Variants in XYLT1 observed in about 807,000 individuals in gnomAD.
The protein encoded by XYLT1 is xylosyltransferase 1.
XYLT1 carries 36 observed loss-of-function variants against 91.3 expected under a neutral mutation model. That is an observed-to-expected ratio of 0.39 (90% confidence interval 0.30 to 0.52). The LOEUF is 0.52. XYLT1 is among the 20% of genes least tolerant of loss of function. The pLI, the probability that XYLT1 is intolerant of heterozygous loss-of-function variation, is 0.68. For synonymous variants in XYLT1, 588 were observed against 532.0 expected (o/e 1.11, Z -1.45); for missense variants, 1,242 against 1,284.5 (o/e 0.97, Z 0.51).
chr16:17,268,701 C>T lies in XYLT1; in HGVS notation c.403-9203G>A, dbSNP rs758471946. On this transcript the variant is annotated intron_variant, in intron 2 of 11. Coordinates refer to ENST00000261381, the MANE Select transcript of XYLT1 (RefSeq NM_022166.4). ...TTTTTTTTTTTCTGAGACGGAGTTTCGCTCTTTGTTGCCCAGGCTGGAGTA... is the reference window on the plus strand; with the variant it reads ...TTTTTTTTTTTCTGAGACGGAGTTTTGCTCTTTGTTGCCCAGGCTGGAGTA... 3.5e-3 allele frequency among the ~76,000 whole-genome samples: 468 copies of T among 135,456 alleles called. 1 individual carries two copies. The highest frequency in any genetic ancestry group is 5.8e-3 in the Non-Finnish European group (379 of 64,880). The allele number at this position is 135,456 out of a possible 152,430, so 88.9% of individuals were successfully genotyped here. A position where few individuals can be genotyped will look rare whatever the true frequency, so the allele number is the denominator to read the frequency against.
intron 2 of XYLT1, among the ~76,000 whole-genome samples, chr16:17,271,564 A>G (rs542286686): frequency 1.3e-5 from 2 of 152,174 alleles, no homozygotes; most frequent in African/African-American, 4.8e-5. Context: ...TCTCAAGGAC[A>G]GCGCTGTTGA....
intron 9 of XYLT1, among the ~76,000 whole-genome samples, chr16:17,131,288 T>C (rs1228535052): frequency 6.6e-6 from 1 of 152,222 alleles, no homozygotes; most frequent in Non-Finnish European, 1.5e-5. Flanking sequence ...TAATGAAAAC[T>C]GTTAATGTCT....
chr16:17,309,003 A>T (rs2034506183), intron 2 of XYLT1, among the ~76,000 whole-genome samples: 1 of 152,200 alleles, frequency 6.6e-6, no homozygotes. Flanking sequence ...AAATAAAAAA[A>T]AAAGGTTCAA....
intron 2 of XYLT1, among the ~76,000 whole-genome samples, chr16:17,302,085 A>G (rs2034403624): frequency 6.6e-6 from 1 of 151,890 alleles, no homozygotes; most frequent in African/African-American, 2.4e-5. Context: ...GGTGGCATAC[A>G]CCCTAGCTAC....
At chr16:17,430,093 C>T (rs147724034) in intron 1 of XYLT1, among the ~76,000 whole-genome samples, 2,404 of 151,948 alleles carry the variant, frequency 0.016, 68 homozygotes, top group African/African-American at 0.055. Flanking sequence ...CCCACCACCG[C>T]GCTCAGCTAA....
intron 6 of XYLT1, among the ~76,000 whole-genome samples, chr16:17,149,821 G>T (rs1410994390): frequency 6.6e-6 from 1 of 152,158 alleles, no homozygotes; most frequent in Non-Finnish European, 1.5e-5. Flanking sequence ...TTCTCACAGG[G>T]GAAATGGTGA....
chr16:17,300,816 G>A (rs549531437), intron 2 of XYLT1, among the ~76,000 whole-genome samples: 42 of 151,968 alleles, frequency 2.8e-4, no homozygotes, highest in Admixed American at 5.9e-4. Context: ...CAGAACAATC[G>A]ATGAGCTAGA....
chr16:17,391,051 C>A (rs143954139), intron 1 of XYLT1, among the ~76,000 whole-genome samples: 126 of 149,612 alleles, frequency 8.4e-4, no homozygotes, highest in African/African-American at 3.1e-3. Context: ...AGAAAAAAAA[C>A]AAAAACAAAC....
intron 1 of XYLT1, among the ~76,000 whole-genome samples, chr16:17,453,844 C>T (rs146864178): frequency 1.3e-5 from 2 of 152,144 alleles, no homozygotes; most frequent in African/African-American, 4.8e-5. Flanking sequence ...AAGATAAGAG[C>T]GCTGTGGACA....
chr16:17,465,656 C>T (rs566176523), intron 1 of XYLT1, among the ~76,000 whole-genome samples: 1 of 152,064 alleles, frequency 6.6e-6, no homozygotes, highest in South Asian at 2.1e-4. Context: ...GTACTCCTTC[C>T]TCTACCACAT....
At chr16:17,270,897 A>AATG (rs1408131701) in intron 2 of XYLT1, among the ~76,000 whole-genome samples, 1 of 152,152 alleles carries the variant, frequency 6.6e-6, no homozygotes. Context: ...CCGCAGAAAA[A>AATG]ATGAATGCCC....
intron 1 of XYLT1, among the ~76,000 whole-genome samples, chr16:17,376,919 G>GT (rs1266009821): frequency 2.0e-5 from 3 of 150,904 alleles, no homozygotes; most frequent in Non-Finnish European, 2.9e-5. Flanking sequence ...GCTCACACCT[G>GT]TAATCCCAGC....
intron 2 of XYLT1, among the ~76,000 whole-genome samples, chr16:17,347,166 G>C (rs955577256): frequency 6.6e-6 from 1 of 152,176 alleles, no homozygotes; most frequent in African/African-American, 2.4e-5. Flanking sequence ...TACTAGGACA[G>C]TTAACATTTC....
chr16:17,451,009 T>C (rs77981494), intron 1 of XYLT1, among the ~76,000 whole-genome samples: 5,633 of 152,192 alleles, frequency 0.037, 164 homozygotes, highest in African/African-American at 0.078. Flanking sequence ...AAAGGACAAA[T>C]GTTCTTTCAT....
Position 17,152,845 on chromosome 16 carries a change from T to G in XYLT1, c.1370+5984A>C, listed in dbSNP as rs183742735. 3.3e-5 allele frequency among the ~76,000 whole-genome samples: 5 copies of G among 152,336 alleles called. No homozygotes were observed. In the East Asian group the frequency reaches 9.6e-4, roughly 29 times the overall value. On this transcript the variant is annotated intron_variant, in intron 6 of 11. Transcript: ENST00000261381. ...TTCTTATATTTGAAATGATAGCTGT[T>G]TCTCTTACTATGCTTTGCCTTACTT...
At chr16:17,379,753 TCTCTCTCTCTCACA>T (rs1567401413) in intron 1 of XYLT1, among the ~76,000 whole-genome samples, 1 of 128,718 alleles carries the variant, frequency 7.8e-6, no homozygotes, top group African/African-American at 3.2e-5. Context: ...TCTCTCTCTC[TCTCTCTCTCTCACA>T]CACACACACA....
chr16:17,260,904 C>G (rs184664221), intron 2 of XYLT1, among the ~76,000 whole-genome samples: 2 of 152,254 alleles, frequency 1.3e-5, no homozygotes, highest in Admixed American at 6.5e-5. Flanking sequence ...TCTGTCCTCA[C>G]CATCCATATA....
chr16:17,142,588 C>T (rs2031013537), intron 6 of XYLT1, among the ~76,000 whole-genome samples: 1 of 134,734 alleles, frequency 7.4e-6, no homozygotes, highest in Non-Finnish European at 1.6e-5. Flanking sequence ...CACACACCAC[C>T]TCACCCAGCT....
At chr16:17,123,583 G>C (rs2030148533) in intron 10 of XYLT1, among the ~76,000 whole-genome samples, 1 of 152,144 alleles carries the variant, frequency 6.6e-6, no homozygotes, top group Non-Finnish European at 1.5e-5. Context: ...GACTTGTTTT[G>C]TGGCCTATCA....
Sources: gnomAD v4.1 joint callset for allele counts (sites outside exome capture counted in the v4.1 genomes callset) on GRCh38, gnomAD v4.1.1 for gene constraint, MANE v1.5 for transcripts, NCBI Gene and HGNC (gene_info 2026-07-23, HGNC 2026-07-21) for gene names.